ATAD1: variants seen among roughly 807,000 people sequenced by gnomAD.
ATAD1 encodes the protein outer mitochondrial transmembrane helix translocase.
ATAD1 carries 18 observed loss-of-function variants against 42.7 expected under a neutral mutation model. The observed-to-expected ratio is 0.42, with a 90% confidence interval of 0.29 to 0.63. The LOEUF (loss-of-function observed/expected upper bound fraction) is 0.63, where lower values mean the gene tolerates loss of function less well. Ranked by LOEUF, ATAD1 falls within the 20% of genes least tolerant of loss-of-function variation. ATAD1 has a pLI of 0.19. For synonymous variants in ATAD1, 132 were observed against 143.1 expected, an observed-to-expected ratio of 0.92 and a Z score of 0.55; for missense variants, 294 against 440.4, an observed-to-expected ratio of 0.67 and a Z score of 2.98.
chr10:87,813,352 CTTTTTTT>C (rs60561376), intron 2 of ATAD1, among the ~76,000 whole-genome samples: 14 of 139,404 alleles, frequency 1.0e-4, no homozygotes, highest in African/African-American at 3.7e-4. Flanking sequence ...ACTAGTTTTT[CTTTTTTT>C]TTTTTTTTAA....
At chr10:87,787,660 A>T (rs1413561001) in intron 4 of ATAD1, among the ~76,000 whole-genome samples, 1 of 152,226 alleles carries the variant, frequency 6.6e-6, no homozygotes, top group Non-Finnish European at 1.5e-5. Context: ...TCTAAATTTG[A>T]GATAATCCTC....
chr10:87,838,761 C>T (rs1452559170), intron 1 of ATAD1, among the ~76,000 whole-genome samples: 1 of 150,938 alleles, frequency 6.6e-6, no homozygotes, highest in African/African-American at 2.5e-5. Context: ...TCTCTCTCTC[C>T]TTTTTGTGAG....
chr10:87,775,346 G>A (rs755702863), intron 6 of ATAD1, among the ~76,000 whole-genome samples: 12 of 148,816 alleles, frequency 8.1e-5, no homozygotes, highest in East Asian at 3.9e-4. Context: ...GCTTGAACCC[G>A]GAAGGCGGAG....
chr10:87,799,199 TAATC>T (rs1469447555), intron 2 of ATAD1, among the ~76,000 whole-genome samples: 1 of 152,222 alleles, frequency 6.6e-6, no homozygotes, highest in Non-Finnish European at 1.5e-5. Flanking sequence ...TTGCATTTAT[TAATC>T]AAGCAATTTC....
upstream of ATAD1, among the ~76,000 whole-genome samples, chr10:87,822,858 GATT>G (rs1281533047): frequency 6.6e-6 from 1 of 151,700 alleles, no homozygotes; most frequent in African/African-American, 2.4e-5. Flanking sequence ...ACCCTGATGT[GATT>G]ATAACACATT....
intron 8 of ATAD1, among the ~76,000 whole-genome samples, chr10:87,766,059 C>CA (rs113186379): frequency 0.02 from 3,092 of 151,562 alleles, 101 homozygotes; most frequent in African/African-American, 0.069. Flanking sequence ...AAAACAAAAA[C>CA]AAAAAAACAG....
chr10:87,778,250 A>T (rs1855404942), intron 5 of ATAD1, among the ~76,000 whole-genome samples: 1 of 151,172 alleles, frequency 6.6e-6, no homozygotes, highest in African/African-American at 2.4e-5. Context: ...CAGGCTGGGC[A>T]ACATGGCAAA....
chr10:87,827,181 T>C (rs987718301), intron 1 of ATAD1, among the ~76,000 whole-genome samples: 2 of 152,248 alleles, frequency 1.3e-5, no homozygotes, highest in Middle Eastern at 3.2e-3. Context: ...CTAAATATCA[T>C]GATACTATTT....
chr10:87,838,980 G>A (rs1195375401), intron 1 of ATAD1, among the ~76,000 whole-genome samples: 1 of 152,098 alleles, frequency 6.6e-6, no homozygotes, highest in Non-Finnish European at 1.5e-5. Flanking sequence ...AAAATTCTTG[G>A]CACTACATAT....
chr10:87,819,629 G>C (rs186655876), upstream of ATAD1, among the ~76,000 whole-genome samples: 49 of 152,152 alleles, frequency 3.2e-4, 1 homozygote, highest in African/African-American at 9.9e-4. Context: ...CATTTTCTCC[G>C]TTTTTACAAA....
intron 1 of ATAD1, among the ~76,000 whole-genome samples, chr10:87,816,363 G>T (rs893242707): frequency 2.6e-5 from 4 of 152,104 alleles, no homozygotes; most frequent in African/African-American, 9.7e-5. Context: ...ACAATAATTA[G>T]ATTTAATTTA....
intron 8 of ATAD1, among the ~76,000 whole-genome samples, chr10:87,761,736 A>T (rs1027447176): frequency 3.5e-4 from 54 of 152,162 alleles, no homozygotes; most frequent in African/African-American, 1.3e-3. Flanking sequence ...AGAATACTGA[A>T]TACTAAAATT....
At chr10:87,833,727 C>CTTTTTTTTTTTTTTTTTTTT (rs3033524) in intron 1 of ATAD1, among the ~76,000 whole-genome samples, 1 of 100,768 alleles carries the variant, frequency 9.9e-6, no homozygotes, top group Non-Finnish European at 1.9e-5. Context: ...TCTTTCTTTC[C>CTTTTTTTTTTTTTTTTTTTT]TTTTTTTTTT....
chr10:87,809,755 C>A (rs564253754), intron 2 of ATAD1, among the ~76,000 whole-genome samples: 102 of 152,046 alleles, frequency 6.7e-4, no homozygotes, highest in African/African-American at 2.4e-3. Flanking sequence ...CTCCTGGATT[C>A]AAGCGATTCT....
At chr10:87,755,984 A>G (rs1204095393) in intron 9 of ATAD1, among the ~76,000 whole-genome samples, 1 of 152,220 alleles carries the variant, frequency 6.6e-6, no homozygotes, top group Non-Finnish European at 1.5e-5. Flanking sequence ...ATATACAGCT[A>G]CCAGTTGACA....
chr10:87,781,573 C>A (rs140818497), intron 5 of ATAD1, among the ~76,000 whole-genome samples: 524 of 152,238 alleles, frequency 3.4e-3, no homozygotes, highest in African/African-American at 0.012. Context: ...AACAGTATGT[C>A]TTAGAATTGA....
chr10:87,824,603 G>A (rs1479085376), intron 1 of ATAD1, among the ~76,000 whole-genome samples: 1 of 152,136 alleles, frequency 6.6e-6, no homozygotes, highest in Non-Finnish European at 1.5e-5. Flanking sequence ...TAAACATGCT[G>A]GTGTAATACC....
chr10:87,756,829 G>A lies in ATAD1; in HGVS notation c.925C>T (p.Leu309Phe), dbSNP rs1854242508. 6.2e-7 allele frequency: 1 copy of A among 1,612,034 alleles called. No homozygotes were observed. Among genetic ancestry groups the A allele is most frequent in the Non-Finnish European group, 8.5e-7 (1 of 1,179,154 alleles). The change falls in exon 9 of 10, where the codon CTC becomes TTC. Residue 309 changes from leucine to phenylalanine, a missense_variant. By Grantham distance (22) the Leu-to-Phe change is conservative. Around this residue, in one of 3 missense-constraint regions of ATAD1, gnomAD observed 142 missense variants for 174.6 expected, o/e 0.81. Coordinates refer to ENST00000680024, the MANE Select transcript of ATAD1 (RefSeq NM_001321967.2). ...GAATTAACATATTCTCTAACACAGAGGAGGGCAGCATCTCGACACATCTCT... is the reference window on the plus strand; with the variant it reads ...GAATTAACATATTCTCTAACACAGAAGAGGGCAGCATCTCGACACATCTCT... ...LKEMCRDAAL[L>F]CVREYVNSTS...
intron 1 of ATAD1, among the ~76,000 whole-genome samples, chr10:87,826,087 G>A (rs1013887714): frequency 6.6e-6 from 1 of 152,102 alleles, no homozygotes; most frequent in East Asian, 1.9e-4. Context: ...CAGTTCACTG[G>A]CAAGCTGATG....
Sources: allele counts gnomAD v4.1 joint callset (sites outside exome capture counted in the v4.1 genomes callset), GRCh38; gene constraint gnomAD v4.1.1; regional missense constraint gnomAD v4.1.1; transcripts MANE v1.5; gene names NCBI Gene and HGNC (gene_info 2026-07-23, HGNC 2026-07-21).